The following CDK7 variants were observed in gnomAD, a reference collection of about 807,000 sequenced individuals.
CDK7 encodes the protein cyclin dependent kinase 7.
In CDK7, 25 loss-of-function variants were observed where a neutral mutation model predicts 49.1. The observed-to-expected ratio is 0.51, with a 90% CI of 0.37 to 0.71. CDK7 has a LOEUF of 0.71. Among genes scored for constraint, CDK7 ranks in the 30% least tolerant of loss-of-function variants. CDK7 has a pLI of 0.00. For missense variants in CDK7, 316 were observed against 411.7 expected (o/e 0.77, Z 2.01); for synonymous variants, 107 against 140.0 (o/e 0.76, Z 1.67).
chr5:69,266,724 A>G (rs1751181961), intron 8 of CDK7, among the ~76,000 whole-genome samples: 1 of 149,822 alleles, frequency 6.7e-6, no homozygotes, highest in Non-Finnish European at 1.5e-5. Context: ...AAAAAAAGGA[A>G]CCGATGGATA....
intron 6 of CDK7, among the ~76,000 whole-genome samples, chr5:69,259,052 G>T (rs560501184): frequency 1.4e-4 from 21 of 151,724 alleles, no homozygotes; most frequent in African/African-American, 5.1e-4. Context: ...CTCTAGTCTG[G>T]GTGACAGAGT....
At chr5:69,276,744 C>G (rs750961947) in intron 11 of CDK7, 54 bp downstream of exon 11, 1 of 1,468,366 alleles carries the variant, frequency 6.8e-7, no homozygotes, top group South Asian at 1.2e-5. Flanking sequence ...CTCCAAATAG[C>G]TCGTGTATGG....
intron 8 of CDK7, among the ~76,000 whole-genome samples, chr5:69,268,473 C>A (rs141237367): frequency 2.0e-5 from 3 of 152,190 alleles, no homozygotes; most frequent in Non-Finnish European, 2.9e-5. Flanking sequence ...GTACCCAATA[C>A]ACTTTGTACT....
chr5:69,238,192 T>C (rs1749129575), intron 2 of CDK7, among the ~76,000 whole-genome samples: 1 of 152,222 alleles, frequency 6.6e-6, no homozygotes, highest in African/African-American at 2.4e-5. Context: ...CAATCACCTA[T>C]TGATGGCCTT....
intron 2 of CDK7, 189 bp downstream of exon 2, chr5:69,235,642 T>C (rs1248188399): frequency 1.5e-5 from 9 of 611,378 alleles, no homozygotes; most frequent in Non-Finnish European, 2.9e-6. Flanking sequence ...CGTTTTAATT[T>C]CTATTGAAAT....
chr5:69,250,324 C>T (rs1279320880), intron 2 of CDK7, among the ~76,000 whole-genome samples: 2 of 152,124 alleles, frequency 1.3e-5, no homozygotes, highest in Non-Finnish European at 2.9e-5. Context: ...TGCTGTAGTT[C>T]TTATAGACTT....
intron 2 of CDK7, among the ~76,000 whole-genome samples, chr5:69,235,934 A>G (rs1396553883): frequency 2.0e-5 from 3 of 152,200 alleles, no homozygotes; most frequent in African/African-American, 7.2e-5. Context: ...GTAGCTTCTT[A>G]TATTCATTCA....
intron 10 of CDK7, among the ~76,000 whole-genome samples, chr5:69,276,056 G>A (rs1752102651): frequency 6.6e-6 from 1 of 152,108 alleles, no homozygotes; most frequent in South Asian, 2.1e-4. Context: ...TTGATACGGA[G>A]CCTTGCTCTG....
At chr5:69,255,588 T>C in intron 5 of CDK7, 60 bp downstream of exon 5, 1 of 1,219,644 alleles carries the variant, frequency 8.2e-7, no homozygotes. Context: ...AGAACCTAAA[T>C]ATTTGTTTTC....
At chr5:69,249,403 T>C (rs941443149) in intron 2 of CDK7, among the ~76,000 whole-genome samples, 5 of 151,190 alleles carry the variant, frequency 3.3e-5, no homozygotes, top group Admixed American at 3.3e-4. Flanking sequence ...TAGCTTGACA[T>C]GGTGGTTTGT....
chr5:69,276,758 G>A, intron 11 of CDK7, 68 bp downstream of exon 11: 1 of 1,327,878 alleles, frequency 7.5e-7, no homozygotes, highest in Non-Finnish European at 1.1e-6. Context: ...TGTATGGCTA[G>A]CGACTGAACA....
Position 69,270,079 on chromosome 5 carries a change from AAAAAATT to A in CDK7, c.714+790_714+796del, listed in dbSNP as rs1158343111. Among the ~76,000 whole-genome samples, 37 of 130,598 alleles carry A rather than the reference AAAAAATT, an allele frequency of 2.8e-4. 2 individuals carry two copies. Among genetic ancestry groups the A allele is most frequent in the South Asian group, 2.8e-4 (1 of 3,568 alleles). The allele number at this position is 130,598 out of a possible 152,430, so 85.7% of individuals were successfully genotyped here. A position where few individuals can be genotyped will look rare whatever the true frequency, so the allele number is the denominator to read the frequency against. Reference sequence around the variant, plus strand: ...AGACTCTGTCTCCAAAAAAAAAAAAAAAAAATTAAACTTCTTATTTTGAGAATATTAT... The same window carrying A: ...AGACTCTGTCTCCAAAAAAAAAAAAAAAACTTCTTATTTTGAGAATATTAT... On this transcript the variant is annotated intron_variant, in intron 9 of 11. Transcript: ENST00000256443.
At position 69,262,302 on chromosome 5, in the gene CDK7, A is replaced by AT; in HGVS notation, c.625_626insT (p.Arg209MetfsTer12). On this transcript the variant is annotated frameshift_variant and splice_region_variant, in exon 8 of 12. Transcript: ENST00000256443. LOFTEE classifies it high-confidence loss of function. ...CTGTATATTAGCAGAGTTACTTCTA[A>AT]GGGTAAGTCTAAATTAATGTACGCA... 1 of 1,614,044 alleles carries AT rather than the reference A, an allele frequency of 6.2e-7. No individual in the cohort carries two copies. Among genetic ancestry groups the AT allele is most frequent in the Non-Finnish European group, 8.5e-7 (1 of 1,179,902 alleles).
At chr5:69,241,585 A>G (rs1261067590) in intron 2 of CDK7, among the ~76,000 whole-genome samples, 1 of 151,914 alleles carries the variant, frequency 6.6e-6, no homozygotes, top group East Asian at 1.9e-4. Flanking sequence ...CAGCCTCCCA[A>G]AGTGCTGGGA....
Position 69,235,045 on chromosome 5 carries a change from A to G in CDK7, c.66+4A>G, listed in dbSNP as rs1335043737. 6.3e-7 allele frequency: 1 copy of G among 1,599,528 alleles called. No homozygotes were observed. Among genetic ancestry groups the G allele is most frequent in the South Asian group, 1.1e-5 (1 of 88,438 alleles). ...GGACTTCCTTGGGGAGGGACAGGTGAGGCTCTCTGGAAGGACGGGGAGGGC... is the reference window on the plus strand; with the variant it reads ...GGACTTCCTTGGGGAGGGACAGGTGGGGCTCTCTGGAAGGACGGGGAGGGC... On this transcript the variant is annotated splice_donor_region_variant and intron_variant, in intron 1 of 11. Coordinates refer to ENST00000256443, the MANE Select transcript of CDK7 (RefSeq NM_001799.4).
At chr5:69,237,311 C>A (rs1749066141) in intron 2 of CDK7, among the ~76,000 whole-genome samples, 1 of 152,200 alleles carries the variant, frequency 6.6e-6, no homozygotes, top group South Asian at 2.1e-4. Flanking sequence ...ATCATAGCCA[C>A]ACTGACTTTT....
intron 2 of CDK7, among the ~76,000 whole-genome samples, chr5:69,237,455 A>C (rs190455742): frequency 6.6e-6 from 1 of 152,012 alleles, no homozygotes; most frequent in African/African-American, 2.4e-5. Flanking sequence ...GCTTCACTCA[A>C]ATGTCTCCTC....
At position 69,276,564 on chromosome 5, in the gene CDK7, A is replaced by C. The variant is rs1325031381; in HGVS notation, c.886A>C (p.Ser296Arg). 6.2e-7 allele frequency: 1 copy of C among 1,613,258 alleles called. No individual in the cohort carries two copies. Among genetic ancestry groups the C allele is most frequent in the Non-Finnish European group, 8.5e-7 (1 of 1,180,016 alleles). ...ATQALKMKYFSNRPGPTPGCQ... is the reference protein window; with the variant it reads ...ATQALKMKYFRNRPGPTPGCQ... ...AAAGGCACTGAAAATGAAGTATTTC[A>C]GTAATCGGCCAGGGCCAACACCTGG... Residue 296 changes from serine to arginine, a missense_variant, in exon 11 of 12, where the codon AGT becomes CGT. Physicochemically the swap from Ser to Arg is moderately radical, Grantham distance 110. Coordinates refer to ENST00000256443, the MANE Select transcript of CDK7 (RefSeq NM_001799.4).
At chr5:69,266,910 A>G (rs1170024854) in intron 8 of CDK7, among the ~76,000 whole-genome samples, 1 of 152,194 alleles carries the variant, frequency 6.6e-6, no homozygotes, top group Admixed American at 6.5e-5. Context: ...TTGGCTCTGC[A>G]CTGAGCAAAA....
Sources: allele counts gnomAD v4.1 joint callset (sites outside exome capture counted in the v4.1 genomes callset), GRCh38; gene constraint gnomAD v4.1.1; transcripts MANE v1.5; gene names NCBI Gene and HGNC (gene_info 2026-07-23, HGNC 2026-07-21).